STK32B: variants seen among roughly 807,000 people sequenced by gnomAD.
STK32B encodes serine/threonine kinase 32B, also known as serine/threonine-protein kinase 32B.
Under a neutral mutation model 52.6 loss-of-function variants are expected in STK32B, and 43 were observed. That is an observed-to-expected ratio of 0.82 (90% CI 0.64 to 1.05). STK32B has a LOEUF of 1.05. STK32B is among the 50% of genes least tolerant of loss of function. STK32B has a pLI of 0.00. For missense variants in STK32B, 621 were observed against 534.6 expected (o/e 1.16, Z -1.59); for synonymous variants, 238 against 204.3 (o/e 1.17, Z -1.41).
intron 1 of STK32B, among the ~76,000 whole-genome samples, chr4:5,113,930 C>T (rs35830411): frequency 1.3e-5 from 2 of 152,050 alleles, no homozygotes; most frequent in African/African-American, 2.4e-5. Context: ...AAACCCGCCC[C>T]CCTTTTTAAA....
At chr4:5,234,758 A>C (rs1019631316) in intron 3 of STK32B, among the ~76,000 whole-genome samples, 1 of 152,268 alleles carries the variant, frequency 6.6e-6, no homozygotes, top group Admixed American at 6.5e-5. Context: ...TTTGAATGGG[A>C]AGAAATTGGA....
intron 1 of STK32B, among the ~76,000 whole-genome samples, chr4:5,132,434 A>G (rs562490258): frequency 6.6e-6 from 1 of 152,310 alleles, no homozygotes; most frequent in Admixed American, 6.5e-5. Flanking sequence ...GCCCTGTGAC[A>G]TGCAGTTTAC....
intron 3 of STK32B, among the ~76,000 whole-genome samples, chr4:5,211,331 A>C (rs1324901464): frequency 1.3e-5 from 2 of 152,204 alleles, no homozygotes; most frequent in Admixed American, 6.5e-5. Flanking sequence ...CTAATGGAAA[A>C]GATTTGTAAT....
chr4:5,320,537 T>G (rs959873942), intron 3 of STK32B, among the ~76,000 whole-genome samples: 4 of 152,178 alleles, frequency 2.6e-5, no homozygotes, highest in African/African-American at 7.2e-5. Context: ...ATATAACATT[T>G]TTAACAATGT....
chr4:5,051,384 G>C (rs987003276), upstream of STK32B: 1 of 165,206 alleles, frequency 6.1e-6, no homozygotes, highest in African/African-American at 2.4e-5. Context: ...GCCGAGCAGG[G>C]ATTCAGATTC....
intron 1 of STK32B, among the ~76,000 whole-genome samples, chr4:5,067,284 C>A (rs1450346424): frequency 6.6e-6 from 1 of 152,108 alleles, no homozygotes; most frequent in Non-Finnish European, 1.5e-5. Flanking sequence ...TCGGTCCCTC[C>A]CCCAACACAT....
intron 3 of STK32B, among the ~76,000 whole-genome samples, chr4:5,216,819 G>A (rs961736065): frequency 1.3e-5 from 2 of 152,202 alleles, no homozygotes; most frequent in South Asian, 4.1e-4. Flanking sequence ...TGTGGTGGGT[G>A]TGATATGAAC....
chr4:5,449,274 C>T (rs936810662), intron 7 of STK32B, among the ~76,000 whole-genome samples: 9 of 152,108 alleles, frequency 5.9e-5, no homozygotes, highest in East Asian at 1.9e-4. Context: ...ACCCGGGAAG[C>T]GGAGGTTGCA....
At chr4:5,381,932 G>A (rs943133021) in intron 4 of STK32B, among the ~76,000 whole-genome samples, 11 of 152,254 alleles carry the variant, frequency 7.2e-5, no homozygotes, top group Middle Eastern at 3.4e-3. Flanking sequence ...TGGCTTATGC[G>A]ATCATGGAGG....
chr4:5,179,680 C>G (rs141801756), intron 3 of STK32B, among the ~76,000 whole-genome samples: 1 of 152,154 alleles, frequency 6.6e-6, no homozygotes, highest in Admixed American at 6.5e-5. Flanking sequence ...GATCATTGGT[C>G]AGTACTCAGA....
chr4:5,308,508 T>C (rs1407482227), intron 3 of STK32B, among the ~76,000 whole-genome samples: 1 of 152,212 alleles, frequency 6.6e-6, no homozygotes, highest in Admixed American at 6.5e-5. Flanking sequence ...TTATTATAAA[T>C]ATTATAGGAG....
At chr4:5,083,273 A>G (rs930429303) in intron 1 of STK32B, among the ~76,000 whole-genome samples, 7 of 152,282 alleles carry the variant, frequency 4.6e-5, no homozygotes, top group East Asian at 3.9e-4. Context: ...TTAGAAATCT[A>G]TATCCTCTTT....
At chr4:5,497,470 A>T (rs1720378987) in intron 11 of STK32B, among the ~76,000 whole-genome samples, 1 of 152,184 alleles carries the variant, frequency 6.6e-6, no homozygotes. Flanking sequence ...TGCCCAGTCC[A>T]CTAGGATGAT....
At chr4:5,245,877 C>T (rs1164460175) in intron 3 of STK32B, among the ~76,000 whole-genome samples, 1 of 152,186 alleles carries the variant, frequency 6.6e-6, no homozygotes, top group Admixed American at 6.5e-5. Flanking sequence ...AAATTCTTTT[C>T]TTTAAGAATG....
chr4:5,130,008 G>A (rs1054732054), intron 1 of STK32B, among the ~76,000 whole-genome samples: 1 of 152,090 alleles, frequency 6.6e-6, no homozygotes, highest in African/African-American at 2.4e-5. Context: ...CCAAAGGAGA[G>A]GTGCAGACAA....
intron 1 of STK32B, among the ~76,000 whole-genome samples, chr4:5,118,283 G>A (rs986441301): frequency 6.6e-6 from 1 of 152,124 alleles, no homozygotes; most frequent in Non-Finnish European, 1.5e-5. Context: ...CTCAGTCTTG[G>A]TAGGTAGTGT....
At chr4:5,249,873 C>T (rs954395522) in intron 3 of STK32B, among the ~76,000 whole-genome samples, 1 of 152,114 alleles carries the variant, frequency 6.6e-6, no homozygotes, top group African/African-American at 2.4e-5. Flanking sequence ...ATGTAATAAG[C>T]ACAGTACTCG....
chr4:5,419,056 T>C (rs1241372517), intron 6 of STK32B, among the ~76,000 whole-genome samples: 1 of 152,220 alleles, frequency 6.6e-6, no homozygotes, highest in African/African-American at 2.4e-5. Context: ...GAAATGACTA[T>C]TTCCCTGGAA....
intron 6 of STK32B, among the ~76,000 whole-genome samples, chr4:5,444,354 A>AC (rs1715157674): frequency 6.6e-6 from 1 of 152,120 alleles, no homozygotes; most frequent in Admixed American, 6.5e-5. Context: ...GGTGGGAGTG[A>AC]CCCGATTTTC....
Sources: gnomAD v4.1 joint callset for allele counts (sites outside exome capture counted in the v4.1 genomes callset) on GRCh38, gnomAD v4.1.1 for gene constraint, MANE v1.5 for transcripts, NCBI Gene and HGNC (gene_info 2026-07-23, HGNC 2026-07-21) for gene names.